HDX: variants seen among roughly 807,000 people sequenced by gnomAD.
HDX encodes the protein highly divergent homeobox.
In HDX, 19 loss-of-function variants were observed where a neutral mutation model predicts 45.2. The ratio of observed to expected loss-of-function variants is 0.42; its 90% CI spans 0.29 to 0.62. The LOEUF is 0.62. HDX is among the 20% of genes least tolerant of loss of function. The pLI is 0.20. For missense variants in HDX, 532 were observed against 493.9 expected (o/e 1.08, Z -0.73); for synonymous variants, 188 against 172.8 (o/e 1.09, Z -0.69).
intron 5 of HDX, among the ~76,000 whole-genome samples, chrX:84,419,048 T>C (rs1331336920): frequency 1.8e-5 from 2 of 111,949 alleles, no homozygotes; most frequent in Non-Finnish European, 3.8e-5. Context: ...GAAAAGAATA[T>C]GTTGCCTTGA....
intron 9 of HDX, among the ~76,000 whole-genome samples, chrX:84,329,799 C>A (rs1171149885): frequency 1.8e-5 from 2 of 111,571 alleles, no homozygotes; most frequent in African/African-American, 3.2e-5. Flanking sequence ...TATTTCCCAG[C>A]CTCCCACAAG....
intron 6 of HDX, among the ~76,000 whole-genome samples, chrX:84,351,084 G>A (rs1164894792): frequency 9.1e-6 from 1 of 109,631 alleles, no homozygotes; most frequent in Non-Finnish European, 1.9e-5. Context: ...AGTCACAAGA[G>A]GGTAAATTCC....
chrX:84,345,509 A>G (rs2037181357), intron 6 of HDX, among the ~76,000 whole-genome samples: 1 of 111,744 alleles, frequency 8.9e-6, no homozygotes, highest in African/African-American at 3.2e-5. Flanking sequence ...ATATATATTT[A>G]CCCATGTTCG....
At chrX:84,401,444 A>G (rs1410751413) in intron 5 of HDX, among the ~76,000 whole-genome samples, 4 of 112,478 alleles carry the variant, frequency 3.6e-5, no homozygotes, top group African/African-American at 1.3e-4. Flanking sequence ...TGTGGCCAAG[A>G]AACATGAAAA....
At chrX:84,465,472 A>G (rs2040332609) in intron 4 of HDX, among the ~76,000 whole-genome samples, 2 of 112,667 alleles carry the variant, frequency 1.8e-5, no homozygotes, top group African/African-American at 3.2e-5. Context: ...CATATGCACC[A>G]TGGAATACTA....
intron 8 of HDX, among the ~76,000 whole-genome samples, chrX:84,336,348 G>A (rs1201335307): frequency 2.7e-5 from 3 of 110,888 alleles, no homozygotes; most frequent in African/African-American, 9.8e-5. Context: ...GAGGAAAAAA[G>A]TTCCAAACAC....
At chrX:84,406,493 C>T (rs868685115) in intron 5 of HDX, among the ~76,000 whole-genome samples, 1 of 72,665 alleles carries the variant, frequency 1.4e-5, no homozygotes, top group Non-Finnish European at 2.7e-5. Flanking sequence ...CACACACACA[C>T]ACACACATAC....
intron 5 of HDX, among the ~76,000 whole-genome samples, chrX:84,425,589 A>C (rs1476992340): frequency 8.9e-6 from 1 of 112,003 alleles, no homozygotes; most frequent in Non-Finnish European, 1.9e-5. Context: ...GAATCCTGCA[A>C]ATGTGGTAAA....
At chrX:84,324,884 C>G (rs2036675581) in intron 10 of HDX, among the ~76,000 whole-genome samples, 1 of 110,849 alleles carries the variant, frequency 9.0e-6, no homozygotes, top group African/African-American at 3.3e-5. Context: ...ACTTACAGTA[C>G]TCTTGGGACC....
intron 5 of HDX, among the ~76,000 whole-genome samples, chrX:84,377,553 A>G (rs1044859588): frequency 9.0e-6 from 1 of 111,666 alleles, no homozygotes; most frequent in Non-Finnish European, 1.9e-5. Context: ...AGATACTGAA[A>G]TAATTAAAAC....
At chrX:84,323,149 G>C (rs2036633033) in intron 10 of HDX, among the ~76,000 whole-genome samples, 1 of 111,110 alleles carries the variant, frequency 9.0e-6, no homozygotes, top group African/African-American at 3.3e-5. Context: ...TGTAAGGGAA[G>C]ACTAACCCCT....
At chrX:84,385,375 G>A (rs2038293115) in intron 5 of HDX, among the ~76,000 whole-genome samples, 1 of 104,847 alleles carries the variant, frequency 9.5e-6, no homozygotes, top group African/African-American at 3.5e-5. Context: ...CACTACGCCC[G>A]GCTAATTTTT....
chrX:84,443,137 T>C (rs1185867290), intron 4 of HDX, among the ~76,000 whole-genome samples: 1 of 111,805 alleles, frequency 8.9e-6, no homozygotes, highest in Non-Finnish European at 1.9e-5. Flanking sequence ...TTAACTAATC[T>C]CTCACGTTTA....
intron 8 of HDX, among the ~76,000 whole-genome samples, chrX:84,334,236 T>C (rs533689418): frequency 9.0e-5 from 10 of 111,120 alleles, no homozygotes; most frequent in African/African-American, 2.9e-4. Flanking sequence ...ACATGCCTCT[T>C]TGTGACTTCT....
chrX:84,361,189 G>T (rs2037614000), intron 6 of HDX, among the ~76,000 whole-genome samples: 1 of 110,911 alleles, frequency 9.0e-6, no homozygotes, highest in African/African-American at 3.3e-5. Context: ...GGTAAATATT[G>T]GCAATATGTA....
intron 1 of HDX, among the ~76,000 whole-genome samples, chrX:84,492,911 CTT>C (rs11390246): frequency 1.0e-5 from 1 of 96,617 alleles, no homozygotes; most frequent in African/African-American, 3.8e-5. Context: ...TTACAAAAAG[CTT>C]TTTTTTTTTT....
intron 5 of HDX, among the ~76,000 whole-genome samples, chrX:84,369,739 C>A (rs925368950): frequency 8.9e-6 from 1 of 112,230 alleles, no homozygotes; most frequent in Non-Finnish European, 1.9e-5. Context: ...GCTACTTGTA[C>A]ATCTTTTTTG....
chrX:84,468,489 T>C lies in HDX; in HGVS notation c.1234A>G (p.Asn412Asp). 2 of 1,151,681 alleles carry C rather than the reference T, an allele frequency of 1.7e-6. No homozygotes were observed. The highest frequency in any genetic ancestry group is 2.3e-6 in the Non-Finnish European group (2 of 855,384). The allele number at this position is 1,151,681 out of a possible 1,213,427, so 94.9% of individuals were successfully genotyped here. The change falls in exon 4 of 11, where the codon AAC (asparagine) becomes GAC (aspartate). Residue 412 changes from asparagine to aspartate, a missense_variant. Asn to Asp is a conservative substitution (Grantham distance 23). This residue lies in a region of HDX where 376 missense variants were observed against 343.7 expected (regional missense o/e 1.09). Transcript: ENST00000373177. The stretch of plus-strand genomic sequence containing the variant: ...CACATTACCTGGTAATTGTTTTGGT[T>C]TTGTGATAATCTCAATTGGTTTGAT... Reference protein sequence around the residue: ...ASSNQLRLSQNQNNYQISGNL... With the variant: ...ASSNQLRLSQDQNNYQISGNL...
chrX:84,417,211 A>C lies in HDX; in HGVS notation c.1305+23321T>G, dbSNP rs1016013990. ...GAGAGAGAAAGAAAGAAGAAAGAAA[A>C]AAAAGAGAGAAAGAAAGAAAGAAAG... is the stretch of plus-strand genomic sequence containing the variant. On this transcript the variant is annotated intron_variant, in intron 5 of 10. Coordinates refer to ENST00000373177, the MANE Select transcript of HDX (RefSeq NM_001177479.2). 2.4e-3 allele frequency among the ~76,000 whole-genome samples: 191 copies of C among 78,885 alleles called. 1 individual carries two copies. The highest frequency in any genetic ancestry group is 3.6e-3 in the Non-Finnish European group (147 of 40,630). 68.5% of individuals were successfully genotyped at this position (78,885 alleles called of 115,157 possible).
Sources: gnomAD v4.1 joint callset for allele counts (sites outside exome capture counted in the v4.1 genomes callset) on GRCh38, gnomAD v4.1.1 for gene constraint, gnomAD v4.1.1 regional missense constraint, MANE v1.5 for transcripts, NCBI Gene and HGNC (gene_info 2026-07-23, HGNC 2026-07-21) for gene names.